The following DACH2 variants were observed in gnomAD, a reference collection of about 807,000 sequenced individuals.
DACH2 encodes dachshund homolog 2.
Under a neutral mutation model 35.8 loss-of-function variants are expected in DACH2, and 17 were observed. That is an observed-to-expected ratio of 0.48 (90% confidence interval 0.33 to 0.71). The LOEUF (loss-of-function observed/expected upper bound fraction) is 0.71. Among genes scored for constraint, DACH2 ranks in the 30% least tolerant of loss-of-function variants. The pLI is 0.02. For missense variants in DACH2, 469 were observed against 472.7 expected, an observed-to-expected ratio of 0.99 and a Z score of 0.07; for synonymous variants, 195 against 177.3, an observed-to-expected ratio of 1.10 and a Z score of -0.79.
intron 3 of DACH2, among the ~76,000 whole-genome samples, chrX:86,549,245 C>G (rs972440013): frequency 9.0e-6 from 1 of 111,544 alleles, no homozygotes; most frequent in Non-Finnish European, 1.9e-5. Flanking sequence ...TTTTGAGATA[C>G]ACATGTATGA....
intron 1 of DACH2, among the ~76,000 whole-genome samples, chrX:86,376,137 CTGTG>C (rs1225016908): frequency 1.1e-5 from 1 of 94,797 alleles, no homozygotes; most frequent in African/African-American, 4.1e-5. Flanking sequence ...GTATGTATGA[CTGTG>C]TGTGTGTGTA....
intron 1 of DACH2, among the ~76,000 whole-genome samples, chrX:86,368,037 T>C (rs1224241155): frequency 9.0e-6 from 1 of 111,654 alleles, no homozygotes; most frequent in Non-Finnish European, 1.9e-5. Flanking sequence ...AGCATTGTTA[T>C]CCTCTTTCAG....
intron 1 of DACH2, among the ~76,000 whole-genome samples, chrX:86,266,026 A>G (rs1197949033): frequency 9.0e-6 from 1 of 111,665 alleles, no homozygotes; most frequent in Non-Finnish European, 1.9e-5. Context: ...TTTACTCTGC[A>G]TGTAAAACTG....
At chrX:86,258,105 T>A (rs2033558650) in intron 1 of DACH2, among the ~76,000 whole-genome samples, 1 of 112,169 alleles carries the variant, frequency 8.9e-6, no homozygotes, top group Admixed American at 9.4e-5. Context: ...TCCATAGGGA[T>A]GGTTGAGTAC....
intron 2 of DACH2, among the ~76,000 whole-genome samples, chrX:86,400,223 CA>C (rs1466386709): frequency 5.4e-5 from 6 of 111,721 alleles, no homozygotes; most frequent in Non-Finnish European, 9.4e-5. Flanking sequence ...CCGTGGTTTT[CA>C]GCTCTATCAG....
intron 3 of DACH2, among the ~76,000 whole-genome samples, chrX:86,569,817 G>A (rs1274299008): frequency 8.1e-5 from 9 of 111,360 alleles, no homozygotes; most frequent in African/African-American, 2.9e-4. Flanking sequence ...TACAGAATGG[G>A]AGAACATTTT....
At chrX:86,354,879 A>T (rs2035616731) in intron 1 of DACH2, among the ~76,000 whole-genome samples, 2 of 110,681 alleles carry the variant, frequency 1.8e-5, no homozygotes, top group Non-Finnish European at 3.8e-5. Context: ...ACAAAATAAA[A>T]CACTACAGTT....
At chrX:86,333,918 C>T (rs781508060) in intron 1 of DACH2, among the ~76,000 whole-genome samples, 5 of 111,024 alleles carry the variant, frequency 4.5e-5, no homozygotes, top group African/African-American at 1.6e-4. Flanking sequence ...TCCCCCACCA[C>T]CCAGCAGGCC....
At chrX:86,334,393 T>A (rs1217609908) in intron 1 of DACH2, among the ~76,000 whole-genome samples, 1 of 112,230 alleles carries the variant, frequency 8.9e-6, no homozygotes, top group Non-Finnish European at 1.9e-5. Context: ...AAAGCATTCC[T>A]ATTTCTCCAC....
chrX:86,487,536 G>C (rs916843735), intron 2 of DACH2, among the ~76,000 whole-genome samples: 3 of 111,255 alleles, frequency 2.7e-5, no homozygotes, highest in African/African-American at 9.8e-5. Context: ...ATTCTTAGTG[G>C]ATAGAGCTTC....
At chrX:86,355,265 A>G (rs1270917271) in intron 1 of DACH2, among the ~76,000 whole-genome samples, 1 of 111,804 alleles carries the variant, frequency 8.9e-6, no homozygotes, top group Admixed American at 9.5e-5. Flanking sequence ...ATAGTATTTC[A>G]TGGTGTCCAT....
chrX:86,735,895 C>A (rs1314022423), intron 6 of DACH2, among the ~76,000 whole-genome samples: 1 of 111,351 alleles, frequency 9.0e-6, no homozygotes, highest in Non-Finnish European at 1.9e-5. Context: ...ATACTGTTAA[C>A]CCTGTATTTG....
intron 1 of DACH2, among the ~76,000 whole-genome samples, chrX:86,191,126 G>A (rs185593239): frequency 1.8e-5 from 2 of 111,172 alleles, no homozygotes; most frequent in African/African-American, 6.5e-5. Flanking sequence ...CCCATTCTTG[G>A]GTATATACTC....
At chrX:86,809,023 G>A (rs938598765) in intron 7 of DACH2, among the ~76,000 whole-genome samples, 4 of 111,277 alleles carry the variant, frequency 3.6e-5, no homozygotes, top group Non-Finnish European at 7.6e-5. Context: ...AGTTAAAATG[G>A]AGCTTATTCT....
At chrX:86,502,675 A>G (rs1367537462) in intron 2 of DACH2, among the ~76,000 whole-genome samples, 1 of 111,765 alleles carries the variant, frequency 8.9e-6, no homozygotes, top group Non-Finnish European at 1.9e-5. Context: ...GTGATCTTCT[A>G]GCCTGTTGTG....
chrX:86,510,167 AT>A (rs1274120715), intron 2 of DACH2, among the ~76,000 whole-genome samples: 1 of 111,802 alleles, frequency 8.9e-6, no homozygotes, highest in South Asian at 3.7e-4. Flanking sequence ...AATTAACTGG[AT>A]TTTTTCTTTG....
Position 86,739,750 on chromosome X carries a change from C to T in DACH2, c.1108C>T (p.Arg370Trp), listed in dbSNP as rs757022695. The change falls in exon 7 of 12, where the codon CGG (arginine) becomes TGG (tryptophan). Residue 370 changes from arginine (R) to tryptophan (W), a missense_variant. By Grantham distance (101) the Arg-to-Trp change is moderately radical. Around this residue, in one of 3 missense-constraint regions of DACH2, gnomAD observed 363 missense variants for 334.4 expected, o/e 1.09. Coordinates refer to ENST00000373125, the MANE Select transcript of DACH2 (RefSeq NM_053281.3). ...SRAGTSVIKE[R>W]IPESPSPAPS... is the part of the protein sequence containing the mutation. ...TTTGTGTTTCCTTTTGTGTCAGGAG[C>T]GGATCCCAGAGAGTCCTTCTCCTGC... 5 of 1,168,480 alleles carry T rather than the reference C, an allele frequency of 4.3e-6. No individual in the cohort carries two copies. Among genetic ancestry groups the T allele is most frequent in the East Asian group, 6.5e-5 (2 of 30,951 alleles).
At chrX:86,244,908 G>T (rs1436999369) in intron 1 of DACH2, among the ~76,000 whole-genome samples, 1 of 111,555 alleles carries the variant, frequency 9.0e-6, no homozygotes, top group Admixed American at 9.5e-5. Flanking sequence ...TGTAACTGGT[G>T]AAATAAGTAA....
chrX:86,638,984 G>T (rs187987999), intron 3 of DACH2, among the ~76,000 whole-genome samples: 25 of 111,975 alleles, frequency 2.2e-4, no homozygotes, highest in African/African-American at 7.1e-4. Context: ...CACTAGTCAC[G>T]ATAGCAAAGA....
Sources: allele counts gnomAD v4.1 joint callset (sites outside exome capture counted in the v4.1 genomes callset), GRCh38; gene constraint gnomAD v4.1.1; regional missense constraint gnomAD v4.1.1; transcripts MANE v1.5; gene names NCBI Gene and HGNC (gene_info 2026-07-23, HGNC 2026-07-21).